The following DENND2B variants were observed in gnomAD, a reference collection of about 807,000 sequenced individuals.
DENND2B encodes the protein DENN domain-containing protein 2B.
A neutral mutation model predicts 116.0 loss-of-function variants in DENND2B; 32 were observed. The ratio of observed to expected loss-of-function variants is 0.28; its 90% CI spans 0.21 to 0.37. The LOEUF (loss-of-function observed/expected upper bound fraction) is 0.37. DENND2B is among the 10% of genes least tolerant of loss of function. The pLI is 1.00. For synonymous variants in DENND2B, 588 were observed against 583.9 expected, an observed-to-expected ratio of 1.01 and a Z score of -0.10; for missense variants, 1,276 against 1,477.7, an observed-to-expected ratio of 0.86 and a Z score of 2.24.
At chr11:8,863,089 G>A (rs542900179) in intron 2 of DENND2B, among the ~76,000 whole-genome samples, 1 of 152,042 alleles carries the variant, frequency 6.6e-6, no homozygotes, top group East Asian at 1.9e-4. Flanking sequence ...GCAAAAGTGG[G>A]AGGATTGCTT....
chr11:8,799,837 A>G (rs2060160471), intron 1 of DENND2B, among the ~76,000 whole-genome samples: 1 of 151,702 alleles, frequency 6.6e-6, no homozygotes, highest in Admixed American at 6.6e-5. Context: ...CACACAAGTC[A>G]GACCTTTTTG....
At chr11:8,902,833 C>T (rs2064186344) in intron 1 of DENND2B, among the ~76,000 whole-genome samples, 1 of 152,222 alleles carries the variant, frequency 6.6e-6, no homozygotes, top group Non-Finnish European at 1.5e-5. Flanking sequence ...GCCAGTCTGA[C>T]AATCTCTGCT....
At chr11:8,757,239 T>C (rs2053772324) in intron 1 of DENND2B, 3 of 367,786 alleles carry the variant, frequency 8.2e-6, no homozygotes, top group Non-Finnish European at 5.4e-6. Flanking sequence ...CTACCTCCCA[T>C]GATTGCCCTG....
Position 8,699,328 on chromosome 11 carries a change from G to C in DENND2B, c.2783C>G (p.Thr928Ser). 6.2e-7 allele frequency: 1 copy of C among 1,608,278 alleles called. No individual in the cohort carries two copies. The highest frequency in any genetic ancestry group is 8.5e-7 in the Non-Finnish European group (1 of 1,178,672). ...ALLYPFSWQH[T>S]FIPVLPASMI... is the part of the protein sequence containing the mutation. ...GGAGGCCGGGAGGACAGGAATGAAG[G>C]TGTGCTGCCAGGAGAAGGGGTAGAG... The change falls in exon 15 of 20, where the codon ACC becomes AGC. Residue 928 changes from threonine (T) to serine (S), a missense_variant. Physicochemically the swap from Thr to Ser is moderately conservative, Grantham distance 58. Transcript: ENST00000313726.
At chr11:8,855,560 C>A (rs901721733) in intron 3 of DENND2B, among the ~76,000 whole-genome samples, 1 of 151,766 alleles carries the variant, frequency 6.6e-6, no homozygotes, top group Non-Finnish European at 1.5e-5. Context: ...GCAAAGAGCC[C>A]GAGAAATACC....
At chr11:8,893,782 T>C (rs1054836459) in intron 1 of DENND2B, among the ~76,000 whole-genome samples, 3 of 152,164 alleles carry the variant, frequency 2.0e-5, no homozygotes, top group Admixed American at 6.5e-5. Flanking sequence ...TCCATGCTCA[T>C]GGATAGGAAG....
intron 1 of DENND2B, among the ~76,000 whole-genome samples, chr11:8,793,864 TCTTA>T (rs1398025086): frequency 2.0e-5 from 3 of 152,324 alleles, no homozygotes; most frequent in South Asian, 4.1e-4. Flanking sequence ...CACCAACACT[TCTTA>T]CTTTCCATTT....
At chr11:8,809,416 C>T (rs1328807468) in intron 1 of DENND2B, 2 of 152,192 alleles carry the variant, frequency 1.3e-5, no homozygotes, top group African/African-American at 4.8e-5. Context: ...AAACCAAAGG[C>T]ATTTGCAAAG....
At position 8,717,894 on chromosome 11, in the gene DENND2B, T is replaced by G; in HGVS notation, c.1478-2A>C. The stretch of plus-strand genomic sequence containing the variant: ...ATGGATTCTCCTTGGGCAGATCTCC[T>G]GCAGAGGAGGAAGAGTTAGAGAAGG... On this transcript the variant is annotated splice_acceptor_variant, in intron 4 of 19. Transcript: ENST00000313726. LOFTEE classifies it high-confidence loss of function. 6.2e-7 allele frequency: 1 copy of G among 1,607,624 alleles called. No individual in the cohort carries two copies. Among genetic ancestry groups the G allele is most frequent in the Non-Finnish European group, 8.5e-7 (1 of 1,176,114 alleles).
chr11:8,718,783 C>T (rs1395718151), intron 4 of DENND2B: 1 of 1,019,402 alleles, frequency 9.8e-7, no homozygotes, highest in Non-Finnish European at 1.2e-6. Context: ...AAGTCCAAAA[C>T]AGAATCCCTG....
chr11:8,753,491 T>C (rs946555565), intron 1 of DENND2B, among the ~76,000 whole-genome samples: 74 of 152,264 alleles, frequency 4.9e-4, no homozygotes, highest in African/African-American at 1.5e-3. Flanking sequence ...TCTCCCTAAA[T>C]TGATTTACAG....
chr11:8,867,623 G>A (rs2063630388), intron 2 of DENND2B, among the ~76,000 whole-genome samples: 1 of 117,860 alleles, frequency 8.5e-6, no homozygotes, highest in Admixed American at 1.3e-4. Context: ...CTGTCACTCA[G>A]GCTGCAGTGC....
intron 9 of DENND2B, among the ~76,000 whole-genome samples, chr11:8,711,589 G>A (rs1379196800): frequency 3.9e-5 from 6 of 152,048 alleles, no homozygotes; most frequent in East Asian, 3.9e-4. Context: ...CAGGGTGGCC[G>A]GGCGCGGTGG....
Position 8,730,568 on chromosome 11 carries a change from T to A in DENND2B, c.722A>T (p.Glu241Val), listed in dbSNP as rs1419951593. The part of the protein sequence containing the change: ...TFSECSYPET[E>V]EEGEALPVRD... ...GACAGGGAGCGCCTCTCCCTCCTCC[T>A]CAGTCTCTGGGTAGGAACACTCGGA... Residue 241 changes from glutamate (E) to valine (V), a missense_variant, in exon 3 of 20, where the codon GAG (glutamate) becomes GTG (valine). Transcript: ENST00000313726. This position sits in a 1 kb window ranked among gnomAD's most constrained non-coding sequence, Gnocchi z 4.1. 1.9e-6 allele frequency: 3 copies of A among 1,613,206 alleles called. No homozygotes were observed. Among genetic ancestry groups the A allele is most frequent in the South Asian group, 2.2e-5 (2 of 91,088 alleles).
chr11:8,731,352 C>A, intron 2 of DENND2B, 143 bp from the exon 3 acceptor site: 1 of 805,594 alleles, frequency 1.2e-6, no homozygotes, highest in Non-Finnish European at 1.8e-6. Flanking sequence ...AAGTAATATA[C>A]CTTGAAGGCT....
intron 13 of DENND2B, among the ~76,000 whole-genome samples, chr11:8,704,773 C>T (rs1404523499): frequency 6.6e-6 from 1 of 152,202 alleles, no homozygotes; most frequent in African/African-American, 2.4e-5. Context: ...TCTTGACTCA[C>T]TACAATCTTC....
chr11:8,878,191 G>C (rs1404250304), intron 2 of DENND2B, among the ~76,000 whole-genome samples: 1 of 152,188 alleles, frequency 6.6e-6, no homozygotes, highest in Non-Finnish European at 1.5e-5. Flanking sequence ...AGTTAAAAAG[G>C]TAAATTAAGT....
At chr11:8,893,363 C>T (rs192880728) in intron 1 of DENND2B, among the ~76,000 whole-genome samples, 1 of 152,342 alleles carries the variant, frequency 6.6e-6, no homozygotes, top group South Asian at 2.1e-4. Context: ...TCTCTCACCA[C>T]TCCTATTCAA....
intron 2 of DENND2B, among the ~76,000 whole-genome samples, chr11:8,736,576 T>C (rs1397087421): frequency 6.6e-6 from 1 of 152,010 alleles, no homozygotes; most frequent in African/African-American, 2.4e-5. Flanking sequence ...CTGTTTTACA[T>C]AGGGAGGTCA....
Sources: allele counts gnomAD v4.1 joint callset (sites outside exome capture counted in the v4.1 genomes callset), GRCh38; gene constraint gnomAD v4.1.1; non-coding constraint Gnocchi (gnomAD v3.1); transcripts MANE v1.5; gene names NCBI Gene and HGNC (gene_info 2026-07-23, HGNC 2026-07-21).